CELF2: variants seen among roughly 807,000 people sequenced by gnomAD.
CELF2 encodes CUGBP Elav-like family member 2, also known as CUG triplet repeat RNA-binding protein 2.
CELF2 carries 8 observed loss-of-function variants against 62.6 expected under a neutral mutation model. The ratio of observed to expected loss-of-function variants is 0.13; its 90% CI spans 0.07 to 0.23. The LOEUF (loss-of-function observed/expected upper bound fraction) is 0.23, where lower values mean the gene tolerates loss of function less well. Among genes scored for constraint, CELF2 ranks in the 10% least tolerant of loss-of-function variants. The pLI is 1.00. For synonymous variants in CELF2, 258 were observed against 250.0 expected (o/e 1.03, Z -0.30); for missense variants, 333 against 671.0 (o/e 0.50, Z 5.56).
At chr10:11,161,235 G>C (rs144481870) in intron 1 of CELF2, among the ~76,000 whole-genome samples, 1 of 152,358 alleles carries the variant, frequency 6.6e-6, no homozygotes, top group African/African-American at 2.4e-5. Flanking sequence ...CACTGGCGTA[G>C]TGCTTGCAGA....
intron 2 of CELF2, among the ~76,000 whole-genome samples, chr10:11,194,583 G>C (rs1241034646): frequency 1.3e-5 from 2 of 152,144 alleles, no homozygotes; most frequent in African/African-American, 2.4e-5. Flanking sequence ...GGCAAAGCGA[G>C]CTGCACAAAG....
chr10:11,223,520 G>A lies in CELF2; in HGVS notation c.354+6013G>A, dbSNP rs544886483. Among the ~76,000 whole-genome samples the A allele has an allele frequency of 1.3e-5, 2 of 152,332 alleles. No homozygotes were observed. Among genetic ancestry groups the A allele is most frequent in the Non-Finnish European group, 2.9e-5 (2 of 68,032 alleles). On this transcript the variant is annotated intron_variant, in intron 3 of 12. Transcript: ENST00000633077. The surrounding 1 kb of genome is among the most constrained non-coding windows in gnomAD (Gnocchi z 5.1). Reference sequence around the variant, plus strand: ...GAGGAGCCATTTCCCTGCCATCTGTGTTTTCAGATAATACTCAAATCTCAT... The same window carrying A: ...GAGGAGCCATTTCCCTGCCATCTGTATTTTCAGATAATACTCAAATCTCAT...
At chr10:10,628,837 A>T in the CELF2 span, among the ~76,000 whole-genome samples, 1 of 152,276 alleles carries the variant, frequency 6.6e-6, no homozygotes, top group African/African-American at 2.4e-5. Flanking sequence ...TAATTTAAAA[A>T]TTTAAAAAAA....
chr10:10,660,990 T>C, the CELF2 span, among the ~76,000 whole-genome samples: 3 of 152,202 alleles, frequency 2.0e-5, no homozygotes, highest in Admixed American at 6.5e-5. Flanking sequence ...AAGTGTGTGA[T>C]CAAAATAAAC....
chr10:11,105,289 C>A (rs184336978), intron 1 of CELF2, among the ~76,000 whole-genome samples: 1 of 152,326 alleles, frequency 6.6e-6, no homozygotes, highest in Non-Finnish European at 1.5e-5. Context: ...GCTTTGAATT[C>A]ATCAGTTTGC....
At chr10:10,563,639 A>G in the CELF2 span, among the ~76,000 whole-genome samples, 2 of 149,888 alleles carry the variant, frequency 1.3e-5, no homozygotes, top group African/African-American at 4.9e-5. Context: ...GGCAAGGGGA[A>G]GATAGAGATT....
the CELF2 span, among the ~76,000 whole-genome samples, chr10:10,687,766 C>T: frequency 5.9e-5 from 9 of 152,102 alleles, no homozygotes; most frequent in African/African-American, 1.7e-4. Context: ...GTTTTCTTGC[C>T]GGGATGCAAC....
intron 2 of CELF2, chr10:10,920,026 A>G (rs756027827): frequency 4.8e-5 from 59 of 1,226,666 alleles, no homozygotes; most frequent in Middle Eastern, 6.2e-4. Context: ...TGCTTATTCT[A>G]TGCCCGATTT....
At chr10:10,741,549 T>C in the CELF2 span, among the ~76,000 whole-genome samples, 1 of 148,238 alleles carries the variant, frequency 6.7e-6, no homozygotes, top group African/African-American at 2.5e-5. Context: ...TACTCATCGG[T>C]TGTTTTGTAG....
At chr10:11,185,864 G>A (rs538401591) in intron 2 of CELF2, among the ~76,000 whole-genome samples, 1 of 152,230 alleles carries the variant, frequency 6.6e-6, no homozygotes, top group South Asian at 2.1e-4. Flanking sequence ...GAATGAATTG[G>A]GAAGTGTTCT....
chr10:10,678,260 T>C, the CELF2 span, among the ~76,000 whole-genome samples: 1 of 152,180 alleles, frequency 6.6e-6, no homozygotes, highest in African/African-American at 2.4e-5. Flanking sequence ...TTATATCTGA[T>C]ATTTTAAGAA....
the CELF2 span, among the ~76,000 whole-genome samples, chr10:10,747,866 C>T: frequency 2.6e-5 from 4 of 152,296 alleles, no homozygotes; most frequent in Non-Finnish European, 4.4e-5. Context: ...GCCACCACGC[C>T]TGGCTAATTT....
intron 2 of CELF2, among the ~76,000 whole-genome samples, chr10:10,942,309 AC>A (rs2047143628): frequency 6.6e-6 from 1 of 152,206 alleles, no homozygotes; most frequent in South Asian, 2.1e-4. Context: ...CTCATGCCTC[AC>A]CATCTCTCAC....
intron 1 of CELF2, among the ~76,000 whole-genome samples, chr10:11,121,960 C>T (rs1016341581): frequency 1.3e-5 from 2 of 152,116 alleles, no homozygotes; most frequent in African/African-American, 4.8e-5. Flanking sequence ...TTATTTTGTC[C>T]ATGTGTGCCA....
At chr10:10,685,846 T>C in the CELF2 span, among the ~76,000 whole-genome samples, 1 of 152,206 alleles carries the variant, frequency 6.6e-6, no homozygotes, top group African/African-American at 2.4e-5. Flanking sequence ...AGCTGACATT[T>C]AGAAGGTGTC....
rs930509067 is a variant in CELF2 at position 11,290,324 on chromosome 10, CG to C, written c.976+1773del. ...GACCTTTGAGCAGAGACCTGAGTTC[CG>C]TGACGGAAGCCATGGCGCGTGTTGA... On this transcript the variant is annotated intron_variant, in intron 9 of 12. Coordinates refer to ENST00000633077, the MANE Select transcript of CELF2 (RefSeq NM_001326342.2). The surrounding 1 kb of genome is among the most constrained non-coding windows in gnomAD (Gnocchi z 4.3). 2.0e-5 allele frequency among the ~76,000 whole-genome samples: 3 copies of C among 152,078 alleles called. No individual in the cohort carries two copies. Among genetic ancestry groups the C allele is most frequent in the African/African-American group, 7.2e-5 (3 of 41,388 alleles).
chr10:10,522,869 C>T, the CELF2 span, among the ~76,000 whole-genome samples: 7 of 152,174 alleles, frequency 4.6e-5, no homozygotes, highest in African/African-American at 1.7e-4. Context: ...CGTGTCTGGC[C>T]ACCAGAAGGT....
chr10:10,711,236 A>G, the CELF2 span, among the ~76,000 whole-genome samples: 4 of 152,212 alleles, frequency 2.6e-5, no homozygotes, highest in Admixed American at 6.5e-5. Flanking sequence ...GTGACTTGCT[A>G]TTGGCCATAA....
chr10:10,823,441 C>T (rs959333490), intron 1 of CELF2, among the ~76,000 whole-genome samples: 1 of 152,132 alleles, frequency 6.6e-6, no homozygotes, highest in African/African-American at 2.4e-5. Context: ...CCTTAACACA[C>T]TGTGTGACCT....
Sources: allele counts gnomAD v4.1 joint callset (sites outside exome capture counted in the v4.1 genomes callset), GRCh38; gene constraint gnomAD v4.1.1; non-coding constraint Gnocchi (gnomAD v3.1); transcripts MANE v1.5; gene names NCBI Gene and HGNC (gene_info 2026-07-23, HGNC 2026-07-21).